Variants in PLA1A observed in about 807,000 individuals in gnomAD.
PLA1A encodes phosphatidylserine-specific phospholipase A1alpha.
PLA1A carries 47 observed loss-of-function variants against 49.4 expected under a neutral mutation model. The observed-to-expected ratio is 0.95, with a 90% CI of 0.75 to 1.21. The LOEUF (loss-of-function observed/expected upper bound fraction) is 1.21, where lower values mean the gene tolerates loss of function less well. Among genes scored for constraint, PLA1A ranks in the 50% most tolerant of loss-of-function variants. The pLI is 0.00. For synonymous variants in PLA1A, 224 were observed against 207.9 expected (o/e 1.08, Z -0.67); for missense variants, 561 against 563.9 (o/e 0.99, Z 0.05).
chr3:119,612,353 G>C (rs950956190), intron 4 of PLA1A, among the ~76,000 whole-genome samples: 1 of 152,214 alleles, frequency 6.6e-6, no homozygotes, highest in African/African-American at 2.4e-5. Flanking sequence ...ATGAGGACTA[G>C]AGTGTGTAAA....
intron 1 of PLA1A, among the ~76,000 whole-genome samples, chr3:119,600,999 C>T (rs2082611200): frequency 6.6e-6 from 1 of 152,234 alleles, no homozygotes; most frequent in African/African-American, 2.4e-5. Context: ...CGCCCTCCTC[C>T]CCTCCTGCAG....
intron 8 of PLA1A, 76 bp from the exon 9 acceptor site, chr3:119,625,048 A>G (rs2052497271): frequency 1.2e-6 from 1 of 849,732 alleles, no homozygotes; most frequent in Non-Finnish European, 2.0e-6. Flanking sequence ...TCCCAACCAC[A>G]CTGCTGCTCT....
At chr3:119,610,971 C>T (rs761394367) in intron 4 of PLA1A, among the ~76,000 whole-genome samples, 1 of 152,116 alleles carries the variant, frequency 6.6e-6, no homozygotes, top group Non-Finnish European at 1.5e-5. Context: ...TTTAGTCCTT[C>T]TTGAGTAATT....
chr3:119,629,015 C>A, intron 10 of PLA1A, 150 bp downstream of exon 10: 1 of 705,654 alleles, frequency 1.4e-6, no homozygotes, highest in South Asian at 1.8e-5. Flanking sequence ...TTTTCCAGAA[C>A]CTCCTGTGGG....
intron 5 of PLA1A, among the ~76,000 whole-genome samples, chr3:119,615,441 A>T (rs146782979): frequency 2.4e-4 from 36 of 152,376 alleles, no homozygotes; most frequent in African/African-American, 7.9e-4. Context: ...TACCAAGTTT[A>T]TAACATTTAC....
Position 119,616,097 on chromosome 3 carries a change from C to G in PLA1A, c.750C>G (p.Tyr250Ter). 1 of 1,603,568 alleles carries G rather than the reference C, an allele frequency of 6.2e-7. No individual in the cohort carries two copies. Among genetic ancestry groups the G allele is most frequent in the East Asian group, 2.2e-5 (1 of 44,836 alleles). Residue 250 changes from tyrosine to a stop codon, truncating the protein, a stop_gained, in exon 6 of 11, where the codon TAC (tyrosine) becomes TAG (stop). Coordinates refer to ENST00000273371, the MANE Select transcript of PLA1A (RefSeq NM_015900.4). LOFTEE classifies it high-confidence loss of function. ...AACCTGGCTGCCCCACCTTCTTTTA[C>G]GCAGGTCAGAAAGCCAGTACAATCT... ...QDQPGCPTFF[Y>*]AGYSYLICDH...
intron 5 of PLA1A, among the ~76,000 whole-genome samples, chr3:119,615,108 G>T (rs567550160): frequency 2.0e-5 from 3 of 152,210 alleles, no homozygotes; most frequent in African/African-American, 7.2e-5. Context: ...CCTCCAGGTC[G>T]ATGGCAGTAA....
At chr3:119,615,177 G>A (rs2082828191) in intron 5 of PLA1A, among the ~76,000 whole-genome samples, 2 of 152,180 alleles carry the variant, frequency 1.3e-5, no homozygotes, top group South Asian at 4.1e-4. Flanking sequence ...GAGAAAGTCG[G>A]GGTCTTCAGC....
intron 5 of PLA1A, among the ~76,000 whole-genome samples, chr3:119,615,707 C>G: frequency 6.6e-6 from 1 of 151,918 alleles, no homozygotes; most frequent in East Asian, 1.9e-4. Context: ...CCAGCTACTC[C>G]TGCTGAGGCA....
At chr3:119,625,789 G>A (rs926217038) in intron 9 of PLA1A, among the ~76,000 whole-genome samples, 5 of 152,200 alleles carry the variant, frequency 3.3e-5, no homozygotes, top group African/African-American at 1.2e-4. Flanking sequence ...CCCTTCCTTT[G>A]TTGGGGCAGA....
chr3:119,597,912 C>G lies in PLA1A; in HGVS notation c.-2C>G. Reference sequence around the variant, plus strand: ...ACCAGCTCTGAGATTTCCAGCTCAGCGATGCCCCCAGGTCCCTGGGAGAGC... The same window carrying G: ...ACCAGCTCTGAGATTTCCAGCTCAGGGATGCCCCCAGGTCCCTGGGAGAGC... On this transcript the variant is annotated 5_prime_UTR_variant, in exon 1 of 11. Coordinates refer to ENST00000273371, the MANE Select transcript of PLA1A (RefSeq NM_015900.4). 1 of 1,601,796 alleles carries G rather than the reference C, an allele frequency of 6.2e-7. No individual in the cohort carries two copies. The highest frequency in any genetic ancestry group is 8.5e-7 in the Non-Finnish European group (1 of 1,172,130).
intron 5 of PLA1A, among the ~76,000 whole-genome samples, chr3:119,613,546 C>G (rs948295954): frequency 6.6e-6 from 1 of 152,218 alleles, no homozygotes; most frequent in African/African-American, 2.4e-5. Flanking sequence ...CCTGTCACAA[C>G]TTCCCTCCTC....
intron 1 of PLA1A, among the ~76,000 whole-genome samples, chr3:119,606,568 C>T (rs2082691099): frequency 1.3e-5 from 2 of 152,114 alleles, no homozygotes; most frequent in Non-Finnish European, 2.9e-5. Flanking sequence ...GCTATTTTGT[C>T]CTTAGGCATG....
rs764488329 is a variant in PLA1A at position 119,618,070 on chromosome 3, G to A, written c.806G>A (p.Ser269Asn). 3 of 1,613,872 alleles carry A rather than the reference G, an allele frequency of 1.9e-6. No individual in the cohort carries two copies. In the Admixed American group the frequency reaches 5.0e-5, roughly 27 times the overall value. Residue 269 changes from serine (S) to asparagine (N), a missense_variant, in exon 7 of 11, where the codon AGC becomes AAC. Ser to Asn is a conservative substitution (Grantham distance 46, BLOSUM62 1). Coordinates refer to ENST00000273371, the MANE Select transcript of PLA1A (RefSeq NM_015900.4). Reference protein sequence around the residue: ...DHMRAVHLYISALENSCPLMA... With the variant: ...DHMRAVHLYINALENSCPLMA... ...ATGAGGGCTGTGCACCTCTACATCA[G>A]CGCCCTGGAGAATTCCTGTCCACTG...
intron 5 of PLA1A, among the ~76,000 whole-genome samples, chr3:119,613,848 G>A (rs543334905): frequency 2.6e-5 from 4 of 151,702 alleles, no homozygotes; most frequent in East Asian, 3.9e-4. Flanking sequence ...AGCCGACATC[G>A]CGCTACTGCA....
intron 1 of PLA1A, among the ~76,000 whole-genome samples, chr3:119,604,313 A>G (rs1309664047): frequency 1.3e-5 from 2 of 152,222 alleles, no homozygotes; most frequent in East Asian, 1.9e-4. Flanking sequence ...TCTCACGTTT[A>G]TTTCAGCACT....
At chr3:119,602,989 T>A (rs1296684866) in intron 1 of PLA1A, among the ~76,000 whole-genome samples, 1 of 151,404 alleles carries the variant, frequency 6.6e-6, no homozygotes, top group Non-Finnish European at 1.5e-5. Context: ...CCATCTAGAG[T>A]GAGGAAGGGC....
At chr3:119,608,276 GAAAGA>G (rs1213824274) in intron 2 of PLA1A, among the ~76,000 whole-genome samples, 113 of 150,626 alleles carry the variant, frequency 7.5e-4, no homozygotes, top group African/African-American at 2.7e-3. Flanking sequence ...AAGAAAGAAA[GAAAGA>G]AAGAAAGAAA....
At chr3:119,626,527 T>C (rs1268955432) in intron 9 of PLA1A, among the ~76,000 whole-genome samples, 1 of 152,108 alleles carries the variant, frequency 6.6e-6, no homozygotes, top group Non-Finnish European at 1.5e-5. Context: ...GGGGATGCTG[T>C]GAGGCTGGAG....
Sources: allele counts gnomAD v4.1 joint callset (sites outside exome capture counted in the v4.1 genomes callset), GRCh38; gene constraint gnomAD v4.1.1; transcripts MANE v1.5; gene names NCBI Gene and HGNC (gene_info 2026-07-23, HGNC 2026-07-21).